ADAM32: variants seen among roughly 807,000 people sequenced by gnomAD.
ADAM32 encodes the protein ADAM metallopeptidase domain 32, also known as disintegrin and metalloproteinase domain-containing protein 32.
Under a neutral mutation model 114.9 loss-of-function variants are expected in ADAM32, and 89 were observed. The ratio of observed to expected loss-of-function variants is 0.77; its 90% confidence interval spans 0.65 to 0.92. The LOEUF (loss-of-function observed/expected upper bound fraction) is 0.92, where lower values mean the gene tolerates loss of function less well. Ranked by LOEUF, ADAM32 falls within the 40% of genes least tolerant of loss-of-function variation. The pLI is 0.00. For synonymous variants in ADAM32, 285 were observed against 307.5 expected, an observed-to-expected ratio of 0.93 and a Z score of 0.77; for missense variants, 870 against 932.8, an observed-to-expected ratio of 0.93 and a Z score of 0.88.
At chr8:39,180,029 T>G (rs1805753887) in intron 10 of ADAM32, among the ~76,000 whole-genome samples, 1 of 152,158 alleles carries the variant, frequency 6.6e-6, no homozygotes, top group Admixed American at 6.5e-5. Flanking sequence ...TGAGGAGCCC[T>G]TTGGCCCACC....
chr8:39,242,322 C>T (rs1488388969), intron 16 of ADAM32, among the ~76,000 whole-genome samples: 4 of 152,226 alleles, frequency 2.6e-5, no homozygotes, highest in Non-Finnish European at 5.9e-5. Context: ...TCCAAAGTCA[C>T]TTTCACATTT....
intron 10 of ADAM32, among the ~76,000 whole-genome samples, chr8:39,179,585 C>T (rs1033903096): frequency 2.0e-5 from 3 of 152,270 alleles, no homozygotes. Context: ...GACATGGGCT[C>T]ATGAGGGGAT....
chr8:39,270,846 T>C, intron 19 of ADAM32, 30 bp from the exon 20 acceptor site: 1 of 1,588,156 alleles, frequency 6.3e-7, no homozygotes, highest in Non-Finnish European at 8.6e-7. Context: ...TTCTAAGTAC[T>C]AACATGAGAC....
chr8:39,109,344 G>T (rs1036220533), intron 1 of ADAM32, among the ~76,000 whole-genome samples: 1 of 152,060 alleles, frequency 6.6e-6, no homozygotes, highest in African/African-American at 2.4e-5. Context: ...TCAGGAGTTT[G>T]AAATCAGCCT....
chr8:39,174,710 T>C (rs866657447), intron 10 of ADAM32, among the ~76,000 whole-genome samples: 6 of 142,910 alleles, frequency 4.2e-5, no homozygotes, highest in Admixed American at 1.5e-4. Context: ...TTTTTCTAAT[T>C]CTGTGAAGAA....
intron 11 of ADAM32, among the ~76,000 whole-genome samples, chr8:39,210,450 A>C (rs1009083475): frequency 6.6e-6 from 1 of 152,148 alleles, no homozygotes; most frequent in African/African-American, 2.4e-5. Context: ...TGTTCACTTC[A>C]GTGTCCCTAC....
intron 1 of ADAM32, 109 bp downstream of exon 1, chr8:39,107,942 C>A: frequency 7.3e-7 from 1 of 1,367,980 alleles, no homozygotes; most frequent in South Asian, 1.6e-5. Flanking sequence ...TCCTGTCACC[C>A]TGGCAACGGG....
chr8:39,180,454 C>T (rs914532600), intron 10 of ADAM32, among the ~76,000 whole-genome samples: 1 of 152,246 alleles, frequency 6.6e-6, no homozygotes, highest in African/African-American at 2.4e-5. Context: ...CCCCGACGAG[C>T]GCTGCCCCCT....
chr8:39,180,682 A>T (rs940807630), intron 10 of ADAM32, among the ~76,000 whole-genome samples: 2 of 152,182 alleles, frequency 1.3e-5, no homozygotes, highest in African/African-American at 4.8e-5. Context: ...CAAGGTTTGT[A>T]AACACACCAA....
intron 11 of ADAM32, 92 bp from the exon 12 acceptor site, chr8:39,211,052 A>G: frequency 2.7e-6 from 3 of 1,130,542 alleles, no homozygotes; most frequent in Admixed American, 3.7e-5. Context: ...GTAACAGCCA[A>G]TTGAATTTAA....
chr8:39,254,056 T>C (rs545536629), intron 17 of ADAM32, among the ~76,000 whole-genome samples: 27 of 151,628 alleles, frequency 1.8e-4, no homozygotes, highest in African/African-American at 5.8e-4. Flanking sequence ...TGGATGAAAA[T>C]AGCTCAAAGA....
chr8:39,136,805 C>T (rs1164841795), intron 3 of ADAM32, 87 bp downstream of exon 3: 1 of 881,394 alleles, frequency 1.1e-6, no homozygotes, highest in African/African-American at 1.8e-5. Context: ...GAGAAAAATA[C>T]ATGGAATTAT....
intron 12 of ADAM32, among the ~76,000 whole-genome samples, chr8:39,214,692 A>G (rs536346987): frequency 3.4e-4 from 52 of 152,042 alleles, no homozygotes; most frequent in Non-Finnish European, 5.0e-4. Flanking sequence ...TTTTAACATG[A>G]TGTGATCCCA....
At chr8:39,225,054 T>C (rs1409213675) in intron 14 of ADAM32, among the ~76,000 whole-genome samples, 1 of 152,176 alleles carries the variant, frequency 6.6e-6, no homozygotes, top group African/African-American at 2.4e-5. Context: ...CCAACAGTCA[T>C]CCCTGCCTCT....
Position 39,256,157 on chromosome 8 carries a change from A to T in ADAM32, c.2006-1030A>T, listed in dbSNP as rs1205859157. ...TATTGTCTATGGCCATACCAGCCTGAATGTGCCCGATCTTGTCTTGCTCTT... is the reference window on the plus strand; with the variant it reads ...TATTGTCTATGGCCATACCAGCCTGTATGTGCCCGATCTTGTCTTGCTCTT... On this transcript the variant is annotated intron_variant, in intron 18 of 24. Transcript: ENST00000379907. 1.3e-5 allele frequency among the ~76,000 whole-genome samples: 2 copies of T among 151,830 alleles called. 1 individual carries two copies. Among genetic ancestry groups the T allele is most frequent in the Non-Finnish European group, 3.0e-5 (2 of 67,760 alleles).
At chr8:39,210,377 G>A (rs1808129325) in intron 11 of ADAM32, among the ~76,000 whole-genome samples, 1 of 152,162 alleles carries the variant, frequency 6.6e-6, no homozygotes, top group Non-Finnish European at 1.5e-5. Context: ...GCCAAAACCA[G>A]TTACTGTGAT....
At chr8:39,244,059 T>C (rs1004025198) in intron 16 of ADAM32, among the ~76,000 whole-genome samples, 32 of 152,186 alleles carry the variant, frequency 2.1e-4, no homozygotes, top group African/African-American at 7.5e-4. Context: ...CCCCCCAATA[T>C]ACTTAGGAAT....
chr8:39,139,620 C>G (rs1393955827), intron 3 of ADAM32, among the ~76,000 whole-genome samples: 1 of 152,166 alleles, frequency 6.6e-6, no homozygotes, highest in East Asian at 1.9e-4. Context: ...ATGCCTCCAG[C>G]TTTGTTCTTT....
intron 14 of ADAM32, among the ~76,000 whole-genome samples, chr8:39,225,315 C>T (rs1013401288): frequency 6.6e-6 from 1 of 152,182 alleles, no homozygotes; most frequent in African/African-American, 2.4e-5. Flanking sequence ...GCTGACTCTC[C>T]ATCTGCTCCA....
Sources: allele counts gnomAD v4.1 joint callset (sites outside exome capture counted in the v4.1 genomes callset), GRCh38; gene constraint gnomAD v4.1.1; transcripts MANE v1.5; gene names NCBI Gene and HGNC (gene_info 2026-07-23, HGNC 2026-07-21).